Variants in GPHN observed in about 807,000 individuals in gnomAD.
GPHN encodes gephyrin.
GPHN carries 17 observed loss-of-function variants against 95.5 expected under a neutral mutation model. The observed-to-expected ratio is 0.18, with a 90% confidence interval of 0.12 to 0.27. The LOEUF (loss-of-function observed/expected upper bound fraction) is 0.27. Ranked by LOEUF, GPHN falls within the 10% of genes least tolerant of loss-of-function variation. GPHN has a pLI of 1.00. For missense variants in GPHN, 660 were observed against 978.1 expected (o/e 0.67, Z 4.34); for synonymous variants, 320 against 322.5 (o/e 0.99, Z 0.08).
chr14:67,723,500 G>A, the GPHN span, among the ~76,000 whole-genome samples: 1 of 152,206 alleles, frequency 6.6e-6, no homozygotes, highest in Admixed American at 6.5e-5. Context: ...CTCCCAAGAT[G>A]TTGGGATTAC....
At chr14:67,083,231 C>CA (rs1216829143) in intron 11 of GPHN, among the ~76,000 whole-genome samples, 5 of 149,616 alleles carry the variant, frequency 3.3e-5, no homozygotes, top group Admixed American at 6.7e-5. Context: ...GGATCTATGC[C>CA]CCCCCCCCTC....
intron 1 of GPHN, among the ~76,000 whole-genome samples, chr14:66,637,768 T>C (rs1351788291): frequency 1.3e-5 from 2 of 152,146 alleles, no homozygotes; most frequent in Non-Finnish European, 2.9e-5. Context: ...CATGTTTAAA[T>C]ACAGTGGGGA....
At chr14:66,935,472 T>G (rs2067065577) in intron 8 of GPHN, among the ~76,000 whole-genome samples, 1 of 143,364 alleles carries the variant, frequency 7.0e-6, no homozygotes, top group African/African-American at 2.7e-5. Context: ...TATATATATG[T>G]GTATATGTAT....
chr14:67,181,097 G>GA lies in GPHN; in HGVS notation c.*167dup, dbSNP rs1401552180. ...CAAATGAATTTAAATATCTTTTAAAGAAAAAAACACCTAAAAATAAATCTT... is the reference window on the plus strand; with the variant it reads ...CAAATGAATTTAAATATCTTTTAAAGAAAAAAAACACCTAAAAATAAATCTT... On this transcript the variant is annotated 3_prime_UTR_variant, in exon 23 of 23. Coordinates refer to ENST00000478722, the MANE Select transcript of GPHN (RefSeq NM_020806.5). 3 of 711,988 alleles carry GA rather than the reference G, an allele frequency of 4.2e-6. No homozygotes were observed. The highest frequency in any genetic ancestry group is 4.7e-6 in the Non-Finnish European group (2 of 429,306). 44.1% of individuals were successfully genotyped at this position (711,988 alleles called of 1,614,324 possible).
intron 9 of GPHN, among the ~76,000 whole-genome samples, chr14:67,016,964 A>G (rs1490322222): frequency 1.3e-5 from 2 of 152,076 alleles, no homozygotes; most frequent in Non-Finnish European, 2.9e-5. Context: ...ACATTACCCT[A>G]CTTAATTTTC....
the GPHN span, among the ~76,000 whole-genome samples, chr14:67,481,198 C>T: frequency 6.6e-6 from 1 of 152,054 alleles, no homozygotes. Flanking sequence ...CAGGAGGATC[C>T]CTTGAGTTCA....
At chr14:66,626,893 T>C (rs1329874128) in intron 1 of GPHN, among the ~76,000 whole-genome samples, 2 of 152,102 alleles carry the variant, frequency 1.3e-5, no homozygotes, top group African/African-American at 4.8e-5. Flanking sequence ...CTACAAATTA[T>C]AAAACAGTGC....
intron 1 of GPHN, among the ~76,000 whole-genome samples, chr14:66,539,219 C>T (rs1322453004): frequency 6.6e-6 from 1 of 151,186 alleles, no homozygotes; most frequent in Non-Finnish European, 1.5e-5. Flanking sequence ...TGCGGTTTGT[C>T]CCCTGTTTCT....
chr14:67,008,137 A>G (rs974833141), intron 9 of GPHN, among the ~76,000 whole-genome samples: 1 of 152,120 alleles, frequency 6.6e-6, no homozygotes, highest in Non-Finnish European at 1.5e-5. Context: ...CCCACCTGCA[A>G]GGAGGAAATA....
Position 66,922,810 on chromosome 14 carries a change from C to G in GPHN, c.601C>G (p.Pro201Ala). 6.2e-7 allele frequency: 1 copy of G among 1,613,628 alleles called. No individual in the cohort carries two copies. Among genetic ancestry groups the G allele is most frequent in the Non-Finnish European group, 8.5e-7 (1 of 1,179,680 alleles). ...PPLSPPPTTS[P>A]HKQTEDKGVQ... ...TCTTTCCCCTCCTCCTACTACCAGC[C>G]CCCATAAACAGACAGAAGACAAAGG... The change falls in exon 7 of 23, where the codon CCC becomes GCC. Residue 201 changes from proline (P) to alanine (A), a missense_variant. Pro to Ala is a conservative substitution (Grantham distance 27). Coordinates refer to ENST00000478722, the MANE Select transcript of GPHN (RefSeq NM_020806.5).
the GPHN span, among the ~76,000 whole-genome samples, chr14:67,623,165 TTAAA>T: frequency 1.3e-5 from 2 of 152,242 alleles, no homozygotes; most frequent in Non-Finnish European, 2.9e-5. Context: ...TCATAGCCTA[TTAAA>T]TAAAACTGTG....
intron 1 of GPHN, among the ~76,000 whole-genome samples, chr14:66,629,677 C>T (rs1328636906): frequency 6.6e-6 from 1 of 152,072 alleles, no homozygotes; most frequent in East Asian, 1.9e-4. Context: ...GTTTGTTTAT[C>T]CCAGCATCAC....
At chr14:66,924,166 T>C in intron 7 of GPHN, 28 bp from the exon 8 acceptor site, 2 of 1,200,948 alleles carry the variant, frequency 1.7e-6, no homozygotes, top group South Asian at 1.2e-5. Context: ...TGTCACTATA[T>C]TCATAGTTGT....
chr14:66,825,035 GA>G lies in GPHN; in HGVS notation c.294+471del, dbSNP rs2061342144. On this transcript the variant is annotated intron_variant, in intron 4 of 22. Coordinates refer to ENST00000478722, the MANE Select transcript of GPHN (RefSeq NM_020806.5). ...ATATATTTTCCACAATTCTAAATGT[GA>G]ACAGCATTTAAATGCAGAATTTAAT... 2.0e-5 allele frequency among the ~76,000 whole-genome samples: 3 copies of G among 152,154 alleles called. No individual in the cohort carries two copies. In the South Asian group the frequency reaches 6.2e-4, roughly 32 times the overall value.
In GPHN at chr14:67,051,053, G is replaced by A. The variant is rs535742681; in HGVS notation, c.1007-7596G>A. Among the ~76,000 whole-genome samples, 11 of 152,052 alleles carry A rather than the reference G, an allele frequency of 7.2e-5. No individual in the cohort carries two copies. The South Asian group carries it at 1.7e-3, about 23-fold the overall frequency. On this transcript the variant is annotated intron_variant, in intron 10 of 22. Transcript: ENST00000478722. ...AGAACTGTGCAGATTCTTGGCAGCC[G>A]CTCAGGTGGAGACTGCCTAAGACAA...
chr14:66,629,148 C>CATATATAA (rs2153335201), intron 1 of GPHN, among the ~76,000 whole-genome samples: 1 of 112,764 alleles, frequency 8.9e-6, no homozygotes, highest in Non-Finnish European at 1.8e-5. Context: ...TATTTATATA[C>CATATATAA]ATATATAAAT....
intron 2 of GPHN, among the ~76,000 whole-genome samples, chr14:66,716,522 A>G (rs891966919): frequency 6.6e-6 from 1 of 152,112 alleles, no homozygotes; most frequent in Admixed American, 6.5e-5. Context: ...GTGAGGTACC[A>G]TTTGATTCAT....
chr14:66,653,896 TG>T (rs1458883592), intron 1 of GPHN, among the ~76,000 whole-genome samples: 2 of 152,176 alleles, frequency 1.3e-5, no homozygotes, highest in Non-Finnish European at 2.9e-5. Context: ...ATACAGGTTT[TG>T]GGTATTAACA....
chr14:66,759,339 C>G (rs2058680207), intron 2 of GPHN, among the ~76,000 whole-genome samples: 1 of 151,614 alleles, frequency 6.6e-6, no homozygotes, highest in Admixed American at 6.6e-5. Flanking sequence ...GGCCAGTTTT[C>G]CCAAGGGGCT....
Sources: gnomAD v4.1 joint callset for allele counts (sites outside exome capture counted in the v4.1 genomes callset) on GRCh38, gnomAD v4.1.1 for gene constraint, MANE v1.5 for transcripts, NCBI Gene and HGNC (gene_info 2026-07-23, HGNC 2026-07-21) for gene names.